TMEM50B: variants seen among roughly 807,000 people sequenced by gnomAD.
The protein encoded by TMEM50B is HCV p7-trans-regulated protein 3.
A neutral mutation model predicts 23.4 loss-of-function variants in TMEM50B; 14 were observed. The observed-to-expected ratio is 0.60, with a 90% confidence interval of 0.39 to 0.93. The LOEUF is 0.93. Among genes scored for constraint, TMEM50B ranks in the 40% least tolerant of loss-of-function variants. The pLI is 0.00. For missense variants in TMEM50B, 159 were observed against 193.0 expected (o/e 0.82, Z 1.04); for synonymous variants, 64 against 62.3 (o/e 1.03, Z -0.13).
chr21:33,445,059 G>A (rs1445109075), downstream of TMEM50B, among the ~76,000 whole-genome samples: 3 of 150,700 alleles, frequency 2.0e-5, no homozygotes, highest in East Asian at 5.8e-4. Context: ...GGGAGGTGGA[G>A]GGTGACAGAG....
At chr21:33,454,405 G>A (rs186837902) in intron 6 of TMEM50B, among the ~76,000 whole-genome samples, 37 of 152,068 alleles carry the variant, frequency 2.4e-4, no homozygotes, top group Non-Finnish European at 4.9e-4. Flanking sequence ...GGTTCAAGTG[G>A]TTCTCCTGCC....
rs750203174 is a variant in TMEM50B at position 33,432,886 on chromosome 21, ATC to A, written c.*2121-86_*2121-85del. The A allele has an allele frequency of 3.1e-3, 4,657 of 1,511,126 alleles. 19 individuals are homozygous for A. Among genetic ancestry groups the A allele is most frequent in the Non-Finnish European group, 3.4e-3 (3,732 of 1,111,010 alleles). 93.6% of individuals were successfully genotyped at this position (1,511,126 alleles called of 1,614,324 possible). On this transcript the variant is annotated intron_variant and NMD_transcript_variant, in intron 8 of 8. Transcript: ENST00000420455. ...AGATAGAAGAGGTACGTGTGCACAC[ATC>A]TCTTTTTTTTTTTTTGAGACAGGGT...
chr21:33,444,488 T>C (rs1313687691), downstream of TMEM50B, among the ~76,000 whole-genome samples: 1 of 151,254 alleles, frequency 6.6e-6, no homozygotes, highest in African/African-American at 2.4e-5. Context: ...GAGGTTGCAG[T>C]GAGCCGAGCT....
chr21:33,450,884 AT>A, intron 6 of TMEM50B, 21 bp from the exon 7 acceptor site: 1 of 1,609,280 alleles, frequency 6.2e-7, no homozygotes, highest in Non-Finnish European at 8.5e-7. Flanking sequence ...AGGAAAACAA[AT>A]CATGAGGAAA....
chr21:33,447,457 A>G (rs888649302), downstream of TMEM50B, among the ~76,000 whole-genome samples: 7 of 152,134 alleles, frequency 4.6e-5, no homozygotes, highest in African/African-American at 1.4e-4. Flanking sequence ...GACTCCATAA[A>G]AAAGAACAAT....
chr21:33,475,119 G>A (rs2084356279), intron 1 of TMEM50B, among the ~76,000 whole-genome samples: 1 of 151,844 alleles, frequency 6.6e-6, no homozygotes, highest in Admixed American at 6.6e-5. Context: ...TAGAGACAGG[G>A]TTTCACATGT....
downstream of TMEM50B, among the ~76,000 whole-genome samples, chr21:33,445,284 G>A (rs1306555453): frequency 1.3e-5 from 2 of 152,256 alleles, no homozygotes; most frequent in Non-Finnish European, 1.5e-5. Flanking sequence ...CTTACTCAAA[G>A]AAATTTAAAA....
chr21:33,473,993 C>T (rs187992350), intron 1 of TMEM50B, among the ~76,000 whole-genome samples: 1 of 152,030 alleles, frequency 6.6e-6, no homozygotes, highest in Non-Finnish European at 1.5e-5. Context: ...AGACATAAAG[C>T]GGATTAGTGG....
chr21:33,444,621 T>C (rs541210889), downstream of TMEM50B, among the ~76,000 whole-genome samples: 1 of 151,446 alleles, frequency 6.6e-6, no homozygotes, highest in East Asian at 1.9e-4. Flanking sequence ...CTGAATAATG[T>C]TTTTGGCACC....
At position 33,464,496 on chromosome 21, in the gene TMEM50B, G is replaced by A. The variant is rs368124963; in HGVS notation, c.280+846C>T. On this transcript the variant is annotated intron_variant, in intron 4 of 6. Transcript: ENST00000542230. ...ATTACAGGCGTGAGCCACTGCGCCC[G>A]GCCGTAAATGTTTAAAAAACACAAT... 4.5e-3 allele frequency among the ~76,000 whole-genome samples: 637 copies of A among 140,402 alleles called. 5 individuals are homozygous for A. The highest frequency in any genetic ancestry group is 0.015 in the African/African-American group (610 of 39,532). The allele number at this position is 140,402 out of a possible 152,430, so 92.1% of individuals were successfully genotyped here. A position where few individuals can be genotyped will look rare whatever the true frequency, so the allele number is the denominator to read the frequency against.
At chr21:33,474,581 C>G (rs1467734296) in intron 1 of TMEM50B, among the ~76,000 whole-genome samples, 1 of 148,882 alleles carries the variant, frequency 6.7e-6, no homozygotes, top group Admixed American at 6.8e-5. Flanking sequence ...GTCAGGAGTT[C>G]GACACCAGCC....
chr21:33,454,537 A>G (rs1042562449), intron 6 of TMEM50B, among the ~76,000 whole-genome samples: 3 of 152,018 alleles, frequency 2.0e-5, no homozygotes, highest in African/African-American at 7.2e-5. Context: ...CTGACCTCAG[A>G]TGATCCACCC....
intron 4 of TMEM50B, among the ~76,000 whole-genome samples, chr21:33,461,418 A>G (rs1387020675): frequency 6.6e-6 from 1 of 152,224 alleles, no homozygotes; most frequent in African/African-American, 2.4e-5. Flanking sequence ...ATCTCCAGAA[A>G]TAAACAGTAA....
rs753572798 is a variant in TMEM50B, at chr21:33,468,934, CAGAA to C, written c.-41-12_-41-9del. The C allele has an allele frequency of 2.1e-6, 3 of 1,420,380 alleles. No homozygotes were observed. The highest frequency in any genetic ancestry group is 3.0e-6 in the Non-Finnish European group (3 of 1,016,876). 88.0% of individuals were successfully genotyped at this position (1,420,380 alleles called of 1,614,324 possible). ...TTCATTAAATGCTGTATCCTACAAA[CAGAA>C]AGACAAAAACTAATCAACCTAAGAA... On this transcript the variant is annotated splice_polypyrimidine_tract_variant and intron_variant, in intron 1 of 6. Transcript: ENST00000542230.
At chr21:33,478,152 A>G (rs2123469159) in intron 1 of TMEM50B, among the ~76,000 whole-genome samples, 1 of 151,848 alleles carries the variant, frequency 6.6e-6, no homozygotes, top group African/African-American at 2.4e-5. Context: ...AAATAAATAA[A>G]TAAATTTAAA....
chr21:33,456,034 G>C, intron 5 of TMEM50B: 1 of 673,078 alleles, frequency 1.5e-6, no homozygotes, highest in South Asian at 1.5e-5. Flanking sequence ...GTAATTGCTG[G>C]TTCTAGCTAC....
chr21:33,455,441 C>T (rs932104673), intron 6 of TMEM50B, among the ~76,000 whole-genome samples: 9 of 152,148 alleles, frequency 5.9e-5, no homozygotes, highest in African/African-American at 2.2e-4. Flanking sequence ...CCACTTCAGC[C>T]TCCCAAAGTG....
intron 1 of TMEM50B, among the ~76,000 whole-genome samples, chr21:33,474,151 T>A (rs1219797860): frequency 6.6e-6 from 1 of 151,574 alleles, no homozygotes; most frequent in Non-Finnish European, 1.5e-5. Flanking sequence ...TTACAGTATA[T>A]ATACTGTATC....
chr21:33,445,136 A>T (rs141195879), downstream of TMEM50B, among the ~76,000 whole-genome samples: 500 of 151,616 alleles, frequency 3.3e-3, 4 homozygotes, highest in African/African-American at 0.012. Context: ...CACAATTTAC[A>T]TCCTTTTTGG....
Sources: allele counts gnomAD v4.1 joint callset (sites outside exome capture counted in the v4.1 genomes callset), GRCh38; gene constraint gnomAD v4.1.1; transcripts MANE v1.5; gene names NCBI Gene and HGNC (gene_info 2026-07-23, HGNC 2026-07-21).